PRKN: variants seen among roughly 807,000 people sequenced by gnomAD.
PRKN encodes E3 ubiquitin-protein ligase parkin.
A neutral mutation model predicts 59.5 loss-of-function variants in PRKN; 56 were observed. That is an observed-to-expected ratio of 0.94 (90% CI 0.76 to 1.18). The LOEUF (loss-of-function observed/expected upper bound fraction) is 1.18, where lower values mean the gene tolerates loss of function less well. PRKN is among the 50% of genes most tolerant of loss of function. The pLI is 0.00. For missense variants in PRKN, 657 were observed against 596.4 expected (o/e 1.10, Z -1.06); for synonymous variants, 250 against 222.1 (o/e 1.13, Z -1.12).
intron 7 of PRKN, among the ~76,000 whole-genome samples, chr6:161,671,278 G>C (rs1178903567): frequency 6.6e-6 from 1 of 152,112 alleles, no homozygotes; most frequent in Non-Finnish European, 1.5e-5. Context: ...CAGTGAGGCT[G>C]ACGTGACAGT....
intron 7 of PRKN, among the ~76,000 whole-genome samples, chr6:161,716,410 C>T (rs930435505): frequency 2.0e-5 from 3 of 152,064 alleles, no homozygotes; most frequent in Non-Finnish European, 4.4e-5. Context: ...TTTCCTTATG[C>T]GTGGGTGGCA....
At chr6:161,933,374 T>C (rs1779237439) in intron 6 of PRKN, among the ~76,000 whole-genome samples, 1 of 152,194 alleles carries the variant, frequency 6.6e-6, no homozygotes, top group East Asian at 1.9e-4. Flanking sequence ...ATAATGTAAA[T>C]AACATTTTCT....
At chr6:162,048,160 C>A (rs758190626) in intron 5 of PRKN, among the ~76,000 whole-genome samples, 3 of 152,062 alleles carry the variant, frequency 2.0e-5, no homozygotes, top group Non-Finnish European at 4.4e-5. Flanking sequence ...TTACATAACA[C>A]TTCAGGTAAA....
chr6:162,210,476 C>T (rs1785158457), intron 3 of PRKN, among the ~76,000 whole-genome samples: 1 of 152,168 alleles, frequency 6.6e-6, no homozygotes, highest in African/African-American at 2.4e-5. Flanking sequence ...CCTCAGGTGG[C>T]TACTTTCCTG....
intron 6 of PRKN, among the ~76,000 whole-genome samples, chr6:161,855,863 TAAG>T (rs1250085596): frequency 1.3e-5 from 2 of 152,240 alleles, no homozygotes; most frequent in African/African-American, 4.8e-5. Flanking sequence ...TTATCTAACA[TAAG>T]AAAGTGTACA....
At chr6:162,205,911 G>A (rs978882749) in intron 3 of PRKN, among the ~76,000 whole-genome samples, 1 of 152,130 alleles carries the variant, frequency 6.6e-6, no homozygotes, top group Admixed American at 6.6e-5. Flanking sequence ...AAGCACAGAA[G>A]AAGAGAATAA....
rs193206160 is a variant in PRKN at position 162,576,168 on chromosome 6, G to A, written c.8-132695C>T. ...TTCAGAAACCATATCCTGATTTCCA[G>A]TTTCCTGTCTACTATGTTCTCTCTC... On this transcript the variant is annotated intron_variant, in intron 1 of 11. Transcript: ENST00000366898. Among the ~76,000 whole-genome samples the A allele has an allele frequency of 1.1e-3, 164 of 152,150 alleles. 1 individual carries two copies. Among genetic ancestry groups the A allele is most frequent in the Middle Eastern group, 6.8e-3 (2 of 294 alleles).
intron 2 of PRKN, among the ~76,000 whole-genome samples, chr6:162,359,071 A>ATATATAT (rs1428285716): frequency 5.6e-5 from 5 of 89,712 alleles, no homozygotes; most frequent in African/African-American, 2.1e-4. Context: ...AAAAAAAAAA[A>ATATATAT]AAAAAAAAAT....
intron 2 of PRKN, among the ~76,000 whole-genome samples, chr6:162,306,356 T>C (rs1782225697): frequency 6.6e-6 from 1 of 152,182 alleles, no homozygotes. Flanking sequence ...TTCTAGTAAA[T>C]GATCAGCTGG....
intron 6 of PRKN, among the ~76,000 whole-genome samples, chr6:161,915,809 T>C (rs1234440702): frequency 6.6e-6 from 1 of 152,168 alleles, no homozygotes; most frequent in Non-Finnish European, 1.5e-5. Context: ...AGACATAGCA[T>C]TGCGGTTCAG....
intron 5 of PRKN, among the ~76,000 whole-genome samples, chr6:162,029,617 C>T (rs778460275): frequency 6.6e-6 from 1 of 152,328 alleles, no homozygotes; most frequent in Middle Eastern, 3.4e-3. Context: ...TTGGCTCCCT[C>T]TCTGCTGGGA....
intron 9 of PRKN, among the ~76,000 whole-genome samples, chr6:161,476,831 C>G (rs1231504417): frequency 6.6e-6 from 1 of 152,208 alleles, no homozygotes; most frequent in Non-Finnish European, 1.5e-5. Flanking sequence ...TTTGCTGTCT[C>G]GCATCCTCTG....
chr6:161,733,789 T>TATATATATATATATATATATAC (rs1562641725), intron 7 of PRKN, among the ~76,000 whole-genome samples: 19 of 61,746 alleles, frequency 3.1e-4, no homozygotes, highest in African/African-American at 1.3e-3. Context: ...AAAAAATATA[T>TATATATATATATATATATATAC]ATATATATGT....
At chr6:162,160,763 C>T (rs550391104) in intron 4 of PRKN, among the ~76,000 whole-genome samples, 1 of 151,822 alleles carries the variant, frequency 6.6e-6, no homozygotes, top group African/African-American at 2.4e-5. Flanking sequence ...AGGGGACTTT[C>T]TCCTGTAGTC....
intron 4 of PRKN, among the ~76,000 whole-genome samples, chr6:162,143,279 C>T (rs1186637945): frequency 4.6e-5 from 7 of 152,172 alleles, no homozygotes; most frequent in Non-Finnish European, 1.5e-5. Context: ...AAAATTATTC[C>T]TTAAATGCAA....
intron 5 of PRKN, among the ~76,000 whole-genome samples, chr6:162,046,781 T>C (rs1341603284): frequency 3.3e-5 from 5 of 152,326 alleles, no homozygotes; most frequent in Admixed American, 1.3e-4. Flanking sequence ...CATACCATCA[T>C]TGACACTTTT....
intron 5 of PRKN, among the ~76,000 whole-genome samples, chr6:161,992,798 G>A (rs772845858): frequency 6.6e-6 from 1 of 152,102 alleles, no homozygotes; most frequent in Admixed American, 6.5e-5. Flanking sequence ...ATGATAGCAA[G>A]AGAAACTTTG....
intron 7 of PRKN, among the ~76,000 whole-genome samples, chr6:161,628,419 T>C (rs1412913199): frequency 6.6e-6 from 1 of 152,128 alleles, no homozygotes; most frequent in Non-Finnish European, 1.5e-5. Context: ...GCTCTCTGAG[T>C]TCCCTTTTAT....
rs1788208862 is a variant in PRKN, at chr6:161,423,776, T to C, written c.1084-36899A>G. Among the ~76,000 whole-genome samples the C allele has an allele frequency of 6.6e-6, 1 of 152,250 alleles. No homozygotes were observed. The highest frequency in any genetic ancestry group is 2.4e-5 in the African/African-American group (1 of 41,556). ...CAACCACTATCATCTTTCTCCACCA[T>C]TTGTCTAGAAGAGGGAGGGGACTCT... On this transcript the variant is annotated intron_variant, in intron 9 of 11. Transcript: ENST00000366898. This position sits in a 1 kb window ranked among gnomAD's most constrained non-coding sequence, Gnocchi z 5.9.
Sources: allele counts gnomAD v4.1 joint callset (sites outside exome capture counted in the v4.1 genomes callset), GRCh38; gene constraint gnomAD v4.1.1; non-coding constraint Gnocchi (gnomAD v3.1); transcripts MANE v1.5; gene names NCBI Gene and HGNC (gene_info 2026-07-23, HGNC 2026-07-21).